BCL2L13: variants seen among roughly 807,000 people sequenced by gnomAD.
BCL2L13 encodes the protein bcl-2-like protein 13.
In BCL2L13, 13 loss-of-function variants were observed where a neutral mutation model predicts 25.8. The observed-to-expected ratio is 0.50, with a 90% CI of 0.33 to 0.80. The LOEUF (loss-of-function observed/expected upper bound fraction) is 0.80. Among genes scored for constraint, BCL2L13 ranks in the 30% least tolerant of loss-of-function variants. BCL2L13 has a pLI of 0.02. For missense variants in BCL2L13, 504 were observed against 574.9 expected, an observed-to-expected ratio of 0.88 and a Z score of 1.26; for synonymous variants, 244 against 230.3, an observed-to-expected ratio of 1.06 and a Z score of -0.54.
At chr22:17,723,169 T>C (rs2061195415) in intron 6 of BCL2L13, among the ~76,000 whole-genome samples, 1 of 151,728 alleles carries the variant, frequency 6.6e-6, no homozygotes. Flanking sequence ...TATCTGTCCC[T>C]CTCCCTCTCT....
chr22:17,650,348 A>G (rs1476855914), intron 1 of BCL2L13, among the ~76,000 whole-genome samples: 2 of 151,898 alleles, frequency 1.3e-5, no homozygotes, highest in Non-Finnish European at 2.9e-5. Flanking sequence ...TCTTTTGACT[A>G]CCCCTTAAAT....
intron 4 of BCL2L13, among the ~76,000 whole-genome samples, chr22:17,693,675 T>A (rs1267825297): frequency 6.7e-6 from 1 of 148,496 alleles, no homozygotes; most frequent in Non-Finnish European, 1.5e-5. Flanking sequence ...CCACAGCACC[T>A]GGCTGGGGTG....
Position 17,638,889 on chromosome 22 carries a change from G to A in BCL2L13, c.-51+3G>A. 1 of 1,232,304 alleles carries A rather than the reference G, an allele frequency of 8.1e-7. No homozygotes were observed. The highest frequency in any genetic ancestry group is 1.0e-6 in the Non-Finnish European group (1 of 988,472). 76.3% of individuals were successfully genotyped at this position (1,232,304 alleles called of 1,614,324 possible). A position where few individuals can be genotyped will look rare whatever the true frequency, so the allele number is the denominator to read the frequency against. On this transcript the variant is annotated splice_donor_region_variant and intron_variant, in intron 1 of 6. Transcript: ENST00000317582. Reference sequence around the variant, plus strand: ...TCTGGGGCAGGGGCCAGGGCCAGGTGAGGGGAGTGGGGTTCCGGGAAGGCT... The same window carrying A: ...TCTGGGGCAGGGGCCAGGGCCAGGTAAGGGGAGTGGGGTTCCGGGAAGGCT...
chr22:17,683,406 G>C, intron 3 of BCL2L13, 85 bp downstream of exon 3: 2 of 764,048 alleles, frequency 2.6e-6, no homozygotes, highest in Non-Finnish European at 4.2e-6. Context: ...TTTACAGTGG[G>C]GTATTCTCAA....
chr22:17,685,842 A>G (rs1363216342), intron 3 of BCL2L13, among the ~76,000 whole-genome samples: 2 of 118,330 alleles, frequency 1.7e-5, no homozygotes, highest in Non-Finnish European at 3.2e-5. Context: ...CGGGATCTCG[A>G]CTCACTGCAA....
At position 17,656,249 on chromosome 22, in the gene BCL2L13, A is replaced by T. The variant is rs887002396; in HGVS notation, c.121+417A>T. 4.6e-5 allele frequency among the ~76,000 whole-genome samples: 7 copies of T among 151,072 alleles called. No individual in the cohort carries two copies. The East Asian group carries it at 5.8e-4, about 13-fold the overall frequency. ...AGTGAGACTCCATCTCAAAAAAAAA[A>T]AAATATACACAAAAAAGAATAACCC... On this transcript the variant is annotated intron_variant, in intron 2 of 6. Transcript: ENST00000317582.
intron 3 of BCL2L13, among the ~76,000 whole-genome samples, chr22:17,686,129 G>A (rs1018758623): frequency 1.3e-5 from 2 of 151,892 alleles, no homozygotes; most frequent in South Asian, 2.1e-4. Context: ...CATGTTCCTC[G>A]TTAGTAGAGA....
At chr22:17,680,147 G>A (rs533484287) in intron 2 of BCL2L13, among the ~76,000 whole-genome samples, 1 of 146,456 alleles carries the variant, frequency 6.8e-6, no homozygotes, top group African/African-American at 2.5e-5. Context: ...CCCGGGGGGC[G>A]GAGGTTGCAG....
chr22:17,707,015 T>C (rs772642578), intron 6 of BCL2L13, among the ~76,000 whole-genome samples: 2 of 152,230 alleles, frequency 1.3e-5, no homozygotes, highest in African/African-American at 2.4e-5. Flanking sequence ...AATAGGTTTT[T>C]GTTTGTTTAA....
intron 1 of BCL2L13, among the ~76,000 whole-genome samples, chr22:17,651,722 A>G (rs145818413): frequency 0.16 from 23,636 of 145,848 alleles, 2,153 homozygotes; most frequent in Non-Finnish European, 0.21. Context: ...ACGGAGTCTC[A>G]CTCTGTCGCC....
chr22:17,667,138 T>G (rs1300626161), intron 2 of BCL2L13, among the ~76,000 whole-genome samples: 1 of 152,220 alleles, frequency 6.6e-6, no homozygotes, highest in Non-Finnish European at 1.5e-5. Flanking sequence ...TTCCTTTTTT[T>G]GGGTATATAC....
At chr22:17,670,079 A>C (rs540264034) in intron 2 of BCL2L13, among the ~76,000 whole-genome samples, 95 of 152,120 alleles carry the variant, frequency 6.2e-4, no homozygotes, top group Admixed American at 1.2e-3. Flanking sequence ...TTGACCATAT[A>C]TGTATGGATT....
At chr22:17,698,102 C>T (rs1220303514) in intron 5 of BCL2L13, among the ~76,000 whole-genome samples, 1 of 151,662 alleles carries the variant, frequency 6.6e-6, no homozygotes, top group African/African-American at 2.4e-5. Flanking sequence ...AAGTGTGAGC[C>T]ACTGTGCCTG....
intron 6 of BCL2L13, among the ~76,000 whole-genome samples, chr22:17,714,695 C>A (rs2060863995): frequency 1.3e-5 from 2 of 152,126 alleles, no homozygotes; most frequent in South Asian, 4.1e-4. Flanking sequence ...ATGATATATC[C>A]TAAACTGAGC....
At chr22:17,634,877 A>G (rs929214431), upstream of BCL2L13, among the ~76,000 whole-genome samples, 12 of 151,862 alleles carry the variant, frequency 7.9e-5, no homozygotes, top group African/African-American at 2.9e-4. Context: ...GAGCCTGGGA[A>G]GTCAAGGCTA....
intron 2 of BCL2L13, among the ~76,000 whole-genome samples, chr22:17,672,889 G>A (rs1300370814): frequency 6.6e-6 from 1 of 152,118 alleles, no homozygotes; most frequent in Admixed American, 6.6e-5. Context: ...GTGTGTGGGT[G>A]TATGTATGTT....
upstream of BCL2L13, chr22:17,638,646 C>G (rs1035567891): frequency 8.1e-7 from 1 of 1,228,874 alleles, no homozygotes; most frequent in African/African-American, 1.6e-5. Flanking sequence ...ACGGAGAGAC[C>G]TCCGGGGCCT....
intron 2 of BCL2L13, among the ~76,000 whole-genome samples, chr22:17,673,346 C>T (rs541305451): frequency 2.8e-4 from 41 of 146,256 alleles, no homozygotes; most frequent in African/African-American, 1.0e-3. Context: ...TATGACTTCT[C>T]ATTTTCTTTT....
intron 2 of BCL2L13, among the ~76,000 whole-genome samples, chr22:17,660,358 A>T (rs75769400): frequency 0.011 from 1,657 of 146,380 alleles, 100 homozygotes; most frequent in African/African-American, 0.038. Context: ...CCAGTTGAGG[A>T]ACTTATTTTT....
Sources: gnomAD v4.1 joint callset for allele counts (sites outside exome capture counted in the v4.1 genomes callset) on GRCh38, gnomAD v4.1.1 for gene constraint, MANE v1.5 for transcripts, NCBI Gene and HGNC (gene_info 2026-07-23, HGNC 2026-07-21) for gene names.